YAF2: variants seen among roughly 807,000 people sequenced by gnomAD.
The protein encoded by YAF2 is YY1-associated factor 2.
Under a neutral mutation model 20.1 loss-of-function variants are expected in YAF2, and 7 were observed. The observed-to-expected ratio is 0.35, with a 90% CI of 0.20 to 0.65. YAF2 has a LOEUF of 0.65. YAF2 is among the 30% of genes least tolerant of loss of function. YAF2 has a pLI of 0.69. For synonymous variants in YAF2, 74 were observed against 76.0 expected, an observed-to-expected ratio of 0.97 and a Z score of 0.14; for missense variants, 151 against 219.2, an observed-to-expected ratio of 0.69 and a Z score of 1.96.
intron 2 of YAF2, among the ~76,000 whole-genome samples, chr12:42,225,078 A>G (rs2067649151): frequency 1.3e-5 from 2 of 152,208 alleles, no homozygotes; most frequent in South Asian, 4.1e-4. Flanking sequence ...TCTAAATGGC[A>G]TGAGATACTA....
chr12:42,160,658 T>A lies in YAF2; in HGVS notation c.474A>T (p.Thr158=), dbSNP rs2065779075. The change falls in exon 4 of 4, where the codon ACA becomes ACT. Residue 158 remains threonine (T), a synonymous_variant. Transcript: ENST00000534854. ...AAGATGACCTGGACATTCCTCTCTC[T>A]GTGTTATCAGAGCTAGAGCCGCTTT... ...HSQSGSSSDN[T]ERGMSRSSSP... is the part of the protein sequence containing the mutation. 2 of 1,613,782 alleles carry A rather than the reference T, an allele frequency of 1.2e-6. No individual in the cohort carries two copies. Among genetic ancestry groups the A allele is most frequent in the Non-Finnish European group, 1.7e-6 (2 of 1,179,902 alleles).
intron 2 of YAF2, among the ~76,000 whole-genome samples, chr12:42,164,912 A>G (rs996931754): frequency 6.6e-6 from 1 of 152,050 alleles, no homozygotes; most frequent in African/African-American, 2.4e-5. Flanking sequence ...TCTACAAAAA[A>G]AATACAGAAA....
intron 2 of YAF2, among the ~76,000 whole-genome samples, chr12:42,183,112 A>T (rs544738549): frequency 2.6e-5 from 4 of 152,122 alleles, no homozygotes; most frequent in Non-Finnish European, 5.9e-5. Context: ...TGTTTTGAGG[A>T]GCCAAGGCCC....
At chr12:42,183,881 T>G (rs2066407097) in intron 2 of YAF2, among the ~76,000 whole-genome samples, 2 of 152,234 alleles carry the variant, frequency 1.3e-5, no homozygotes, top group African/African-American at 4.8e-5. Flanking sequence ...AAGGACAGGC[T>G]GACTCTCTTG....
chr12:42,162,164 C>T lies in YAF2; in HGVS notation c.153-399G>A, dbSNP rs140996356. On this transcript the variant is annotated intron_variant, in intron 2 of 3. Transcript: ENST00000534854. Reference sequence around the variant, plus strand: ...TCCTTCAGAGAAGGAAATACCTGACCATTTGTGACAATGGCTATCTGTTCT... The same window carrying T: ...TCCTTCAGAGAAGGAAATACCTGACTATTTGTGACAATGGCTATCTGTTCT... 1.6e-3 allele frequency among the ~76,000 whole-genome samples: 243 copies of T among 152,186 alleles called. 1 individual carries two copies. The highest frequency in any genetic ancestry group is 5.5e-3 in the African/African-American group (228 of 41,544).
intron 2 of YAF2, among the ~76,000 whole-genome samples, chr12:42,193,749 C>T (rs977072096): frequency 4.6e-5 from 7 of 152,178 alleles, no homozygotes; most frequent in Non-Finnish European, 1.0e-4. Context: ...AGTGATCTGC[C>T]TGCATCGGCC....
chr12:42,213,160 G>A (rs2137248718), intron 2 of YAF2, among the ~76,000 whole-genome samples: 1 of 152,360 alleles, frequency 6.6e-6, no homozygotes, highest in East Asian at 1.9e-4. Context: ...GGGCAAACAA[G>A]CTGTTATGTT....
chr12:42,174,123 C>G (rs985959075), intron 2 of YAF2, among the ~76,000 whole-genome samples: 3 of 151,706 alleles, frequency 2.0e-5, no homozygotes, highest in Non-Finnish European at 2.9e-5. Context: ...AAAACTCTTT[C>G]CTGAGTCTAC....
At chr12:42,212,582 T>A in intron 2 of YAF2, 3 of 284,242 alleles carry the variant, frequency 1.1e-5, no homozygotes, top group South Asian at 9.1e-5. Flanking sequence ...AAACAAAAAA[T>A]AAATGGGATA....
At chr12:42,181,731 C>T (rs1248937323) in intron 2 of YAF2, among the ~76,000 whole-genome samples, 1 of 152,094 alleles carries the variant, frequency 6.6e-6, no homozygotes, top group Non-Finnish European at 1.5e-5. Context: ...CAAAATAATG[C>T]TGTGAAAGCA....
intron 2 of YAF2, among the ~76,000 whole-genome samples, chr12:42,206,585 G>A (rs1338592962): frequency 6.6e-6 from 1 of 151,358 alleles, no homozygotes; most frequent in African/African-American, 2.4e-5. Flanking sequence ...CTCCAGCCTG[G>A]GAGACAGAGT....
intron 2 of YAF2, among the ~76,000 whole-genome samples, chr12:42,182,910 T>C (rs1384836733): frequency 6.6e-6 from 1 of 152,198 alleles, no homozygotes; most frequent in Non-Finnish European, 1.5e-5. Flanking sequence ...TTATTGTGCA[T>C]TACTTTATTA....
At chr12:42,161,508 G>C in intron 3 of YAF2, 105 bp downstream of exon 3, 1 of 1,284,410 alleles carries the variant, frequency 7.8e-7, no homozygotes, top group Non-Finnish European at 1.0e-6. Context: ...TAATAAAGGA[G>C]ACCAAATATT....
At chr12:42,196,459 AAAG>A (rs2137130461) in intron 2 of YAF2, among the ~76,000 whole-genome samples, 2 of 152,318 alleles carry the variant, frequency 1.3e-5, no homozygotes, top group East Asian at 3.9e-4. Flanking sequence ...GGACCATGTT[AAAG>A]AAGATGTCCC....
At position 42,157,866 on chromosome 12, in the gene YAF2, GC is replaced by G. The variant is rs1461653225; in HGVS notation, c.*2722del. 1.3e-5 allele frequency: 2 copies of G among 151,814 alleles called. No homozygotes were observed. Among genetic ancestry groups the G allele is most frequent in the Non-Finnish European group, 2.9e-5 (2 of 67,978 alleles). The allele number at this position is 151,814 out of a possible 1,614,324, so 9.4% of individuals were successfully genotyped here. On this transcript the variant is annotated 3_prime_UTR_variant, in exon 4 of 4. Coordinates refer to ENST00000534854, the MANE Select transcript of YAF2 (RefSeq NM_005748.6). ...GGCTGGTCCTGGGCTCAAAATATCT[GC>G]CTGCTTCAGCCCAAAGTGCTGGGAT...
At chr12:42,196,357 T>C (rs2066753278) in intron 2 of YAF2, among the ~76,000 whole-genome samples, 1 of 150,930 alleles carries the variant, frequency 6.6e-6, no homozygotes, top group Non-Finnish European at 1.5e-5. Context: ...GGCTGGGACA[T>C]GACTTTATAC....
At chr12:42,212,438 A>G (rs2030336408) in intron 2 of YAF2, 1 of 447,444 alleles carries the variant, frequency 2.2e-6, no homozygotes, top group South Asian at 1.6e-5. Context: ...GCTTCTAAAT[A>G]ATCACCTCCT....
intron 2 of YAF2, among the ~76,000 whole-genome samples, chr12:42,174,216 C>T (rs1382559315): frequency 1.3e-5 from 2 of 152,022 alleles, no homozygotes; most frequent in African/African-American, 4.8e-5. Context: ...ATACTTTTCC[C>T]ACTCTCTCTC....
chr12:42,178,336 G>A (rs1385427074), intron 2 of YAF2, among the ~76,000 whole-genome samples: 1 of 152,038 alleles, frequency 6.6e-6, no homozygotes, highest in Non-Finnish European at 1.5e-5. Flanking sequence ...GCCTGGTACA[G>A]GTTATTTTTC....
Sources: gnomAD v4.1 joint callset for allele counts (sites outside exome capture counted in the v4.1 genomes callset) on GRCh38, gnomAD v4.1.1 for gene constraint, MANE v1.5 for transcripts, NCBI Gene and HGNC (gene_info 2026-07-23, HGNC 2026-07-21) for gene names.